Variants in MAP3K11 observed in about 807,000 individuals in gnomAD.
The protein encoded by MAP3K11 is SH3 domain-containing proline-rich kinase.
Under a neutral mutation model 84.9 loss-of-function variants are expected in MAP3K11, and 46 were observed. The observed-to-expected ratio is 0.54, with a 90% confidence interval of 0.43 to 0.69. The LOEUF (loss-of-function observed/expected upper bound fraction) is 0.69. MAP3K11 is among the 30% of genes least tolerant of loss of function. The pLI is 0.00. For synonymous variants in MAP3K11, 527 were observed against 514.7 expected (o/e 1.02, Z -0.32); for missense variants, 1,053 against 1,198.3 (o/e 0.88, Z 1.79).
intron 8 of MAP3K11, among the ~76,000 whole-genome samples, chr11:65,602,839 G>A (rs1854469734): frequency 6.6e-6 from 1 of 152,032 alleles, no homozygotes; most frequent in Non-Finnish European, 1.5e-5. Context: ...AGCAAGCTGG[G>A]TGTGGTGGCT....
chr11:65,601,889 A>G (rs1314756258), intron 8 of MAP3K11, among the ~76,000 whole-genome samples: 1 of 151,816 alleles, frequency 6.6e-6, no homozygotes, highest in Non-Finnish European at 1.5e-5. Context: ...TAAACAGAAG[A>G]GGGGAAATCA....
rs1854509408 is a variant in MAP3K11 at position 65,606,481 on chromosome 11, CAT to C, written c.1603+208_1603+209del. The C allele has an allele frequency of 2.9e-5, 13 of 453,050 alleles. No homozygotes were observed. The East Asian group carries it at 4.6e-4, about 16-fold the overall frequency. 28.1% of individuals were successfully genotyped at this position (453,050 alleles called of 1,614,324 possible). ...CAAAGCATTTAGAAAATTAGTAGTACATAGTGTCATACAATTATTTGACTAAA... is the reference window on the plus strand; with the variant it reads ...CAAAGCATTTAGAAAATTAGTAGTACAGTGTCATACAATTATTTGACTAAA... On this transcript the variant is annotated intron_variant, in intron 6 of 9. Transcript: ENST00000309100.
chr11:65,605,795 G>A lies in MAP3K11; in HGVS notation c.1797C>T (p.Pro599=), dbSNP rs1854499902. 6.2e-7 allele frequency: 1 copy of A among 1,612,486 alleles called. No individual in the cohort carries two copies. The highest frequency in any genetic ancestry group is 1.7e-5 in the Admixed American group (1 of 59,622). ...CTGGGGGTGTGGAAGGAGATCCTAA[G>A]GGGGATGAGTCATCTGAATCCAGGT... ...TWYLDSDDSS[P]LGSPSTPPAL... Residue 599 remains proline, a synonymous_variant, in exon 8 of 10, where the codon CCC becomes CCT. Coordinates refer to ENST00000309100, the MANE Select transcript of MAP3K11 (RefSeq NM_002419.4).
At chr11:65,602,943 A>G (rs1365423145) in intron 8 of MAP3K11, among the ~76,000 whole-genome samples, 1 of 152,198 alleles carries the variant, frequency 6.6e-6, no homozygotes, top group Non-Finnish European at 1.5e-5. Context: ...CCATCTCTAC[A>G]AAAAATATAA....
intron 8 of MAP3K11, among the ~76,000 whole-genome samples, chr11:65,605,380 T>C (rs1200406058): frequency 6.6e-6 from 1 of 152,162 alleles, no homozygotes; most frequent in Non-Finnish European, 1.5e-5. Context: ...GCTGATTCCT[T>C]CCCCCATCTG....
rs753316830 is a variant in MAP3K11, at chr11:65,607,266, T to A, written c.1489+4A>T. ...CGGGGGACGCCCCGGGGCCCGGCCC[T>A]CACCGAGTGGCATGCTGATACGCTC... On this transcript the variant is annotated splice_donor_region_variant and intron_variant, in intron 5 of 9. Coordinates refer to ENST00000309100, the MANE Select transcript of MAP3K11 (RefSeq NM_002419.4). The A allele has an allele frequency of 6.6e-7, 1 of 1,509,798 alleles. No individual in the cohort carries two copies. Among genetic ancestry groups the A allele is most frequent in the Non-Finnish European group, 8.8e-7 (1 of 1,138,260 alleles). The allele number at this position is 1,509,798 out of a possible 1,614,324, so 93.5% of individuals were successfully genotyped here. A position where few individuals can be genotyped will look rare whatever the true frequency, so the allele number is the denominator to read the frequency against.
intron 1 of MAP3K11, 21 bp from the exon 2 acceptor site, chr11:65,608,469 T>G: frequency 6.2e-7 from 1 of 1,612,762 alleles, no homozygotes; most frequent in Non-Finnish European, 8.5e-7. Context: ...GGGGCCAGAT[T>G]GTGGATGCTC....
chr11:65,607,424 C>A lies in MAP3K11; in HGVS notation c.1335G>T (p.Leu445=). The A allele has an allele frequency of 6.7e-7, 1 of 1,500,468 alleles. No homozygotes were observed. The highest frequency in any genetic ancestry group is 2.4e-5 in the East Asian group (1 of 41,052). The allele number at this position is 1,500,468 out of a possible 1,614,324, so 92.9% of individuals were successfully genotyped here. ...AEQLRRREHL[L]AQWELEVFER... ...CGAACACCTCTAGCTCCCACTGGGCCAGCAGGTGCTCGCGCCGCCGCAGCT... is the reference window on the plus strand; with the variant it reads ...CGAACACCTCTAGCTCCCACTGGGCAAGCAGGTGCTCGCGCCGCCGCAGCT... The change falls in exon 5 of 10, where the codon CTG becomes CTT. Residue 445 remains leucine (L), a synonymous_variant. Transcript: ENST00000309100.
chr11:65,599,007 A>C (rs971538206), intron 9 of MAP3K11, among the ~76,000 whole-genome samples: 1 of 152,184 alleles, frequency 6.6e-6, no homozygotes. Flanking sequence ...GTAAGGAGCC[A>C]GGAGTTTGCT....
At position 65,607,430 on chromosome 11, in the gene MAP3K11, G is replaced by A. The variant is rs1854524248; in HGVS notation, c.1329C>T (p.His443=). The A allele has an allele frequency of 1.3e-6, 2 of 1,502,446 alleles. No homozygotes were observed. Among genetic ancestry groups the A allele is most frequent in the African/African-American group, 1.4e-5 (1 of 72,034 alleles). The allele number at this position is 1,502,446 out of a possible 1,614,324, so 93.1% of individuals were successfully genotyped here. The change falls in exon 5 of 10, where the codon CAC becomes CAT. Residue 443 remains histidine, a synonymous_variant. Coordinates refer to ENST00000309100, the MANE Select transcript of MAP3K11 (RefSeq NM_002419.4). ...CCTCTAGCTCCCACTGGGCCAGCAGGTGCTCGCGCCGCCGCAGCTGCTCCG... is the reference window on the plus strand; with the variant it reads ...CCTCTAGCTCCCACTGGGCCAGCAGATGCTCGCGCCGCCGCAGCTGCTCCG... The part of the protein sequence containing the change: ...SQAEQLRRRE[H]LLAQWELEVF...
chr11:65,605,787 G>T lies in MAP3K11; in HGVS notation c.1805C>A (p.Ser602Tyr). The T allele has an allele frequency of 6.2e-7, 1 of 1,611,064 alleles. No homozygotes were observed. The highest frequency in any genetic ancestry group is 8.5e-7 in the Non-Finnish European group (1 of 1,178,784). Reference protein sequence around the residue: ...LDSDDSSPLGSPSTPPALNGN... With the variant: ...LDSDDSSPLGYPSTPPALNGN... ...ATTGAGTGCTGGGGGTGTGGAAGGA[G>T]ATCCTAAGGGGGATGAGTCATCTGA... The change falls in exon 8 of 10, where the codon TCT becomes TAT. Residue 602 changes from serine (S) to tyrosine (Y), a missense_variant. This residue lies in a region of MAP3K11 where 583 missense variants were observed against 566.6 expected (regional missense o/e 1.03). Transcript: ENST00000309100.
rs374000482 is a variant in MAP3K11 at position 65,607,349 on chromosome 11, G to A, written c.1410C>T (p.His470=). 17 of 1,502,810 alleles carry A rather than the reference G, an allele frequency of 1.1e-5. No individual in the cohort carries two copies. The East Asian group carries it at 2.6e-4, about 23-fold the overall frequency. 93.1% of individuals were successfully genotyped at this position (1,502,810 alleles called of 1,614,324 possible). A position where few individuals can be genotyped will look rare whatever the true frequency, so the allele number is the denominator to read the frequency against. ...TGAATGTCCCGCGGCGGCGGCGCAC[G>A]TGCGGTCGCTCGCGGTCCACCTGCT... The part of the protein sequence containing the change: ...LLQQVDRERP[H]VRRRRGTFKR... Residue 470 remains histidine, a synonymous_variant, in exon 5 of 10, where the codon CAC becomes CAT. Coordinates refer to ENST00000309100, the MANE Select transcript of MAP3K11 (RefSeq NM_002419.4).
chr11:65,607,229 C>T (rs1164657645), intron 5 of MAP3K11, 41 bp downstream of exon 5: 4 of 1,447,806 alleles, frequency 2.8e-6, no homozygotes, highest in Non-Finnish European at 3.6e-6. Context: ...CCCCCACCCC[C>T]GCAGCCAATG....
At chr11:65,601,552 C>T (rs1161199356) in intron 8 of MAP3K11, among the ~76,000 whole-genome samples, 2 of 151,718 alleles carry the variant, frequency 1.3e-5, no homozygotes, top group South Asian at 2.1e-4. Flanking sequence ...GTCAGGAGAT[C>T]GAGACCATCC....
intron 5 of MAP3K11, chr11:65,607,042 T>G (rs1488405641): frequency 5.9e-6 from 4 of 682,926 alleles, no homozygotes; most frequent in Non-Finnish European, 9.1e-6. Context: ...TTCCCAGAAC[T>G]TTCGTGAACC....
At chr11:65,599,809 A>C (rs1247254614) in intron 8 of MAP3K11, 41 bp from the exon 9 acceptor site, 10 of 1,574,706 alleles carry the variant, frequency 6.4e-6, no homozygotes, top group Non-Finnish European at 8.5e-6. Flanking sequence ...TGGCTGGTGC[A>C]TATTCCGGGT....
intron 8 of MAP3K11, among the ~76,000 whole-genome samples, chr11:65,603,176 G>C (rs555777843): frequency 6.6e-6 from 1 of 152,350 alleles, no homozygotes; most frequent in South Asian, 2.1e-4. Context: ...AGAGTGAACA[G>C]AAGTTCCTGC....
At chr11:65,607,176 C>A (rs1272174225) in intron 5 of MAP3K11, 94 bp downstream of exon 5, 1 of 1,386,268 alleles carries the variant, frequency 7.2e-7, no homozygotes, top group African/African-American at 1.5e-5. Context: ...CCCACAACAC[C>A]CTAAACCAAT....
rs11824024 is a variant in MAP3K11 at position 65,606,674 on chromosome 11, G to T, written c.1603+17C>A. On this transcript the variant is annotated intron_variant, in intron 6 of 9. Coordinates refer to ENST00000309100, the MANE Select transcript of MAP3K11 (RefSeq NM_002419.4). ...AGCTGGGGGGCGGAGAGGGGCATGA[G>T]AGGTGAAGTTTCTTACACTGGATGG... 3.2e-6 allele frequency: 5 copies of T among 1,553,496 alleles called. No homozygotes were observed. The highest frequency in any genetic ancestry group is 4.4e-6 in the Non-Finnish European group (5 of 1,141,080).
Sources: allele counts gnomAD v4.1 joint callset (sites outside exome capture counted in the v4.1 genomes callset), GRCh38; gene constraint gnomAD v4.1.1; regional missense constraint gnomAD v4.1.1; transcripts MANE v1.5; gene names NCBI Gene and HGNC (gene_info 2026-07-23, HGNC 2026-07-21).